DAB1: variants seen among roughly 807,000 people sequenced by gnomAD.
DAB1 encodes the protein DAB adaptor protein 1.
In DAB1, 15 loss-of-function variants were observed where a neutral mutation model predicts 64.6. The observed-to-expected ratio is 0.23, with a 90% CI of 0.16 to 0.36. DAB1 has a LOEUF of 0.36. Among genes scored for constraint, DAB1 ranks in the 10% least tolerant of loss-of-function variants. DAB1 has a pLI of 1.00. For synonymous variants in DAB1, 235 were observed against 251.9 expected (o/e 0.93, Z 0.64); for missense variants, 596 against 706.7 (o/e 0.84, Z 1.78).
rs529471270 is a variant in DAB1, at chr1:58,302,334, A to C, written n.309+41018T>G. ...CAATGAGGGACACTGGATGGTGTTT[A>C]TGAGCCCTAACTGAGGCCCTGGTTC... is the stretch of plus-strand genomic sequence containing the variant. On this transcript the variant is annotated intron_variant and non_coding_transcript_variant, in intron 4 of 20. Transcript: ENST00000485760. 7.2e-5 allele frequency among the ~76,000 whole-genome samples: 11 copies of C among 152,214 alleles called. No homozygotes were observed. The South Asian group carries it at 2.3e-3, about 32-fold the overall frequency.
intron 4 of DAB1, among the ~76,000 whole-genome samples, chr1:57,091,379 A>G (rs1205803140): frequency 6.6e-6 from 1 of 152,220 alleles, no homozygotes; most frequent in Non-Finnish European, 1.5e-5. Context: ...TTTGGAATCT[A>G]TCAGTTAACA....
chr1:57,303,924 T>C (rs1163783094), intron 1 of DAB1, among the ~76,000 whole-genome samples: 1 of 152,186 alleles, frequency 6.6e-6, no homozygotes, highest in Non-Finnish European at 1.5e-5. Flanking sequence ...GGCTTTACAA[T>C]GTCATAGTCC....
intron 5 of DAB1, among the ~76,000 whole-genome samples, chr1:57,961,277 T>C (rs1206626372): frequency 6.6e-6 from 1 of 152,196 alleles, no homozygotes; most frequent in African/African-American, 2.4e-5. Flanking sequence ...CATATACATA[T>C]AATAATATGT....
chr1:58,019,972 T>A (rs1442338166), intron 5 of DAB1, among the ~76,000 whole-genome samples: 3 of 152,218 alleles, frequency 2.0e-5, no homozygotes, highest in African/African-American at 7.2e-5. Context: ...TTCTCTTTAT[T>A]TCTTTATAAT....
chr1:57,042,578 T>G (rs1298049244), intron 9 of DAB1, among the ~76,000 whole-genome samples: 1 of 152,126 alleles, frequency 6.6e-6, no homozygotes, highest in African/African-American at 2.4e-5. Context: ...AGACTCTAGT[T>G]CCTCATATGG....
rs116036584 is a variant in DAB1, at chr1:57,076,308, A to G, written c.307-3894T>C. On this transcript the variant is annotated intron_variant, in intron 4 of 14. Coordinates refer to ENST00000371236, the MANE Select transcript of DAB1 (RefSeq NM_001365792.1). ...GCAGATGCTGGTTGCCCTCTTCCAC[A>G]TTTCCTTTTGAAAACCGTTATTGTC... Among the ~76,000 whole-genome samples the G allele has an allele frequency of 8.6e-4, 131 of 152,222 alleles. 1 individual carries two copies. Among genetic ancestry groups the G allele is most frequent in the African/African-American group, 3.1e-3 (129 of 41,522 alleles).
At chr1:58,387,514 T>C (rs570088807) in intron 3 of DAB1, among the ~76,000 whole-genome samples, 18 of 152,090 alleles carry the variant, frequency 1.2e-4, no homozygotes, top group Non-Finnish European at 2.4e-4. Context: ...GGTGGGAAAG[T>C]GAAGGGCAAA....
rs1221018803 is a variant in DAB1 at position 57,010,684 on chromosome 1, A to G, written c.*11T>C. 6.5e-7 allele frequency: 1 copy of G among 1,533,110 alleles called. No homozygotes were observed. The allele number at this position is 1,533,110 out of a possible 1,614,324, so 95.0% of individuals were successfully genotyped here. ...ATAAAAAGGACAGATACCTACCCAG[A>G]CCTGCGCTATCTAGCTACCGGCCTG... On this transcript the variant is annotated 3_prime_UTR_variant, in exon 14 of 15. Coordinates refer to ENST00000371236, the MANE Select transcript of DAB1 (RefSeq NM_001365792.1).
intron 4 of DAB1, among the ~76,000 whole-genome samples, chr1:58,243,388 T>C (rs1055072623): frequency 1.3e-5 from 2 of 152,200 alleles, no homozygotes; most frequent in Non-Finnish European, 2.9e-5. Context: ...AATTCTTTAT[T>C]TGGTATTCAT....
At chr1:57,603,002 C>T (rs1029597282) in intron 7 of DAB1, among the ~76,000 whole-genome samples, 2 of 152,152 alleles carry the variant, frequency 1.3e-5, no homozygotes, top group Non-Finnish European at 2.9e-5. Flanking sequence ...GGGTGAACAT[C>T]TTCTGAATAG....
chr1:57,232,090 T>TTCCC (rs1233133163), intron 2 of DAB1, among the ~76,000 whole-genome samples: 3 of 152,184 alleles, frequency 2.0e-5, no homozygotes, highest in Non-Finnish European at 4.4e-5. Context: ...CTAGGCTCTC[T>TTCCC]TCCCACCTTT....
intron 14 of DAB1, among the ~76,000 whole-genome samples, chr1:57,005,855 TTCCTGTGAGGATTA>T (rs1422203341): frequency 6.6e-6 from 1 of 152,210 alleles, no homozygotes; most frequent in Non-Finnish European, 1.5e-5. Context: ...TACCTGAGTG[TTCCTGTGAGGATTA>T]AATTAGGTGA....
intron 3 of DAB1, among the ~76,000 whole-genome samples, chr1:58,456,732 C>T (rs1335015106): frequency 6.6e-6 from 1 of 152,172 alleles, no homozygotes; most frequent in Non-Finnish European, 1.5e-5. Context: ...ATAAGCTCCA[C>T]CACCTCCAAT....
At chr1:58,506,282 T>G (rs1305434055) in intron 2 of DAB1, 3 of 721,982 alleles carry the variant, frequency 4.2e-6, no homozygotes, top group Admixed American at 5.0e-5. Context: ...TACTTTATTT[T>G]TTTTTAATTC....
rs573933877 is a variant in DAB1, at chr1:57,765,361, A to G, written n.552-115696T>C. ...TCCTGGAGCAAGATCTGTGACTCCA[A>G]CATTTCAAGGCCTAGATGATAACTT... On this transcript the variant is annotated intron_variant and non_coding_transcript_variant, in intron 6 of 20. Transcript: ENST00000485760. 3.9e-5 allele frequency among the ~76,000 whole-genome samples: 6 copies of G among 152,338 alleles called. No individual in the cohort carries two copies. The South Asian group carries it at 1.0e-3, about 26-fold the overall frequency.
intron 12 of DAB1, among the ~76,000 whole-genome samples, chr1:57,013,994 G>C (rs1198173121): frequency 6.6e-6 from 1 of 152,180 alleles, no homozygotes; most frequent in Admixed American, 6.5e-5. Context: ...CAAAGACACA[G>C]CTTGTGGTGG....
At chr1:57,302,223 A>G (rs1673721938) in intron 1 of DAB1, among the ~76,000 whole-genome samples, 2 of 152,346 alleles carry the variant, frequency 1.3e-5, no homozygotes, top group African/African-American at 2.4e-5. Flanking sequence ...TCCTGAAGCC[A>G]TAAATGAGAA....
intron 2 of DAB1, among the ~76,000 whole-genome samples, chr1:57,218,774 G>A (rs1666635715): frequency 6.6e-6 from 1 of 152,138 alleles, no homozygotes; most frequent in Non-Finnish European, 1.5e-5. Flanking sequence ...AGAGAGCTGG[G>A]TGCAAAAGTA....
In DAB1 at chr1:58,112,705, G is replaced by T. The variant is rs376850406; in HGVS notation, n.387+37806C>A. On this transcript the variant is annotated intron_variant and non_coding_transcript_variant, in intron 5 of 20. Coordinates refer to the DAB1 transcript ENST00000485760. ...AGCACATAGTAGGCACTCAATACATGTTTCCTAAATGAATGATGAATGAAA... is the reference window on the plus strand; with the variant it reads ...AGCACATAGTAGGCACTCAATACATTTTTCCTAAATGAATGATGAATGAAA... Among the ~76,000 whole-genome samples the T allele has an allele frequency of 9.2e-5, 14 of 152,258 alleles. No homozygotes were observed. In the East Asian group the frequency reaches 1.4e-3, roughly 15 times the overall value.
Sources: allele counts gnomAD v4.1 joint callset (sites outside exome capture counted in the v4.1 genomes callset), GRCh38; gene constraint gnomAD v4.1.1; transcripts MANE v1.5; gene names NCBI Gene and HGNC (gene_info 2026-07-23, HGNC 2026-07-21).